The following PLXNA2 variants were observed in gnomAD, a reference collection of about 807,000 sequenced individuals.
The protein encoded by PLXNA2 is plexin-A2.
Under a neutral mutation model 193.5 loss-of-function variants are expected in PLXNA2, and 91 were observed. That is an observed-to-expected ratio of 0.47 (90% CI 0.40 to 0.56). PLXNA2 has a LOEUF of 0.56. PLXNA2 is among the 20% of genes least tolerant of loss of function. PLXNA2 has a pLI of 0.00. For missense variants in PLXNA2, 1,995 were observed against 2,503.2 expected (o/e 0.80, Z 4.33); for synonymous variants, 997 against 1,027.3 (o/e 0.97, Z 0.56).
At position 208,142,422 on chromosome 1, in the gene PLXNA2, C is replaced by A. The variant is rs764412969; in HGVS notation, c.1413G>T (p.Glu471Asp). Residue 471 changes from glutamate (E) to aspartate (D), a missense_variant, in exon 4 of 32, where the codon GAG becomes GAT. Around this residue, in one of 3 missense-constraint regions of PLXNA2, gnomAD observed 702 missense variants for 812.9 expected, o/e 0.86. Coordinates refer to ENST00000367033, the MANE Select transcript of PLXNA2 (RefSeq NM_025179.4). ...DGPPHGGVQY[E>D]MVSVLKDGSP... The stretch of plus-strand genomic sequence containing the variant: ...TTCCGTCCTTGAGCACAGAGACCAT[C>A]TCGTACTGGACCCCACCATGGGGGG... The A allele has an allele frequency of 1.9e-6, 3 of 1,613,640 alleles. No individual in the cohort carries two copies. The highest frequency in any genetic ancestry group is 2.5e-6 in the Non-Finnish European group (3 of 1,179,888).
At chr1:208,131,375 AC>A (rs1255069806) in intron 4 of PLXNA2, among the ~76,000 whole-genome samples, 1 of 152,188 alleles carries the variant, frequency 6.6e-6, no homozygotes, top group Non-Finnish European at 1.5e-5. Context: ...AAACAACAAA[AC>A]GAATCAGACT....
chr1:208,051,520 GC>G, intron 15 of PLXNA2, 97 bp from the exon 16 acceptor site: 2 of 900,594 alleles, frequency 2.2e-6, no homozygotes, highest in Non-Finnish European at 3.4e-6. Context: ...TGCGGGTAAG[GC>G]CACAGAAGTG....
At chr1:208,093,461 G>C (rs1238117747) in intron 8 of PLXNA2, among the ~76,000 whole-genome samples, 3 of 152,218 alleles carry the variant, frequency 2.0e-5, no homozygotes, top group African/African-American at 7.2e-5. Context: ...TCATCCGCCT[G>C]TAATAAAACA....
At chr1:208,032,077 A>T in intron 28 of PLXNA2, 1 of 985,304 alleles carries the variant, frequency 1.0e-6, no homozygotes, top group Non-Finnish European at 1.2e-6. Flanking sequence ...TGGGTGAATG[A>T]GGGGGCACAG....
At chr1:208,045,813 G>T in intron 18 of PLXNA2, 65 bp downstream of exon 18, 1 of 1,591,588 alleles carries the variant, frequency 6.3e-7, no homozygotes, top group Non-Finnish European at 8.6e-7. Flanking sequence ...AGTCAGGCCA[G>T]GAGCGAGGGG....
intron 4 of PLXNA2, among the ~76,000 whole-genome samples, chr1:208,120,608 A>G (rs549610847): frequency 1.3e-5 from 2 of 152,296 alleles, no homozygotes; most frequent in East Asian, 3.9e-4. Context: ...GGTAAGATGA[A>G]TGAGGACTTT....
Position 208,027,293 on chromosome 1 carries a change from G to GC in PLXNA2, c.5634dup (p.Leu1879AlafsTer4). The GC allele has an allele frequency of 6.2e-7, 1 of 1,613,588 alleles. No individual in the cohort carries two copies. Among genetic ancestry groups the GC allele is most frequent in the Non-Finnish European group, 8.5e-7 (1 of 1,179,996 alleles). On this transcript the variant is annotated frameshift_variant, in exon 32 of 32. Transcript: ENST00000367033. LOFTEE classifies it high-confidence loss of function. ...ATGAGCTGCTCCACCTTATAAGCCA[G>GC]CCGCTGCCGCCGTGCCTGCTCATCC... is the stretch of plus-strand genomic sequence containing the variant.
chr1:208,234,866 G>A (rs953403628), intron 1 of PLXNA2, among the ~76,000 whole-genome samples: 1 of 152,182 alleles, frequency 6.6e-6, no homozygotes, highest in Non-Finnish European at 1.5e-5. Context: ...TTGGAGGGCA[G>A]TGAATGGCAG....
intron 1 of PLXNA2, among the ~76,000 whole-genome samples, chr1:208,241,894 C>T (rs1010272192): frequency 7.0e-6 from 1 of 143,590 alleles, no homozygotes; most frequent in African/African-American, 2.6e-5. Flanking sequence ...AAAACAACCT[C>T]GCTATGACAG....
chr1:208,230,360 G>C (rs1671650783), intron 1 of PLXNA2: 1 of 152,252 alleles, frequency 6.6e-6, no homozygotes. Context: ...GTCTTGAGTT[G>C]TCATTCCCAC....
At chr1:208,208,133 C>T (rs993533438) in intron 3 of PLXNA2, among the ~76,000 whole-genome samples, 1 of 152,228 alleles carries the variant, frequency 6.6e-6, no homozygotes, top group African/African-American at 2.4e-5. Context: ...CTCAAGGTCC[C>T]TTTGTATCTG....
At chr1:208,118,740 T>A (rs77985206) in intron 4 of PLXNA2, among the ~76,000 whole-genome samples, 1 of 151,920 alleles carries the variant, frequency 6.6e-6, no homozygotes, top group East Asian at 1.9e-4. Context: ...GAGACAAAGA[T>A]ACATTTTTTT....
intron 4 of PLXNA2, among the ~76,000 whole-genome samples, chr1:208,124,745 A>C (rs1667920407): frequency 1.3e-5 from 2 of 151,212 alleles, no homozygotes; most frequent in Non-Finnish European, 3.0e-5. Flanking sequence ...CCAACTAAAG[A>C]GGGTTGAGAA....
Position 208,186,708 on chromosome 1 carries a change from A to ATTTTTTTT in PLXNA2, c.1371+23571_1371+23572insAAAAAAAA, listed in dbSNP as rs368056918. Among the ~76,000 whole-genome samples, 410 of 111,650 alleles carry ATTTTTTTT rather than the reference A, an allele frequency of 3.7e-3. 9 individuals carry two copies. Among genetic ancestry groups the ATTTTTTTT allele is most frequent in the African/African-American group, 0.011 (370 of 33,198 alleles). 73.2% of individuals were successfully genotyped at this position (111,650 alleles called of 152,430 possible). On this transcript the variant is annotated intron_variant, in intron 3 of 31. Transcript: ENST00000367033. Reference sequence around the variant, plus strand: ...GGGCTGTCCTGGGAATTGCAATGTTATTTTATTTTTTTTTTTTTTTTTGAG... The same window carrying ATTTTTTTT: ...GGGCTGTCCTGGGAATTGCAATGTTATTTTTTTTTTTTATTTTTTTTTTTTTTTTTGAG...
At position 208,092,850 on chromosome 1, in the gene PLXNA2, C is replaced by T; in HGVS notation, c.2033G>A (p.Arg678His). 1.2e-6 allele frequency: 2 copies of T among 1,613,854 alleles called. No individual in the cohort carries two copies. Among genetic ancestry groups the T allele is most frequent in the Non-Finnish European group, 1.7e-6 (2 of 1,179,856 alleles). ...GGTGGGGTCATGAGTGCAGAGGTTG[C>T]GGTACTTGCACCAATGGCAGCGGAA... ...SAFRCHWCKY[R>H]NLCTHDPTTC... The change falls in exon 9 of 32, where the codon CGC becomes CAC. Residue 678 changes from arginine to histidine, a missense_variant. Physicochemically the swap from Arg to His is conservative, Grantham distance 29. Transcript: ENST00000367033.
chr1:208,145,967 AC>A (rs767656157), intron 3 of PLXNA2, among the ~76,000 whole-genome samples: 1 of 151,636 alleles, frequency 6.6e-6, no homozygotes, highest in Non-Finnish European at 1.5e-5. Flanking sequence ...CCCCCCACTC[AC>A]CCCCGATCCA....
At chr1:208,100,123 C>T (rs1010234852) in intron 5 of PLXNA2, among the ~76,000 whole-genome samples, 1 of 151,942 alleles carries the variant, frequency 6.6e-6, no homozygotes, top group South Asian at 2.1e-4. Context: ...CCTGTAATCC[C>T]AGCACTTTGG....
chr1:208,033,901 G>A (rs917963283), intron 27 of PLXNA2, among the ~76,000 whole-genome samples: 2 of 152,196 alleles, frequency 1.3e-5, no homozygotes, highest in African/African-American at 4.8e-5. Flanking sequence ...GGAGTTAAGG[G>A]TCTCTTCTTG....
At chr1:208,152,668 T>TACACACACAC (rs10564360) in intron 3 of PLXNA2, among the ~76,000 whole-genome samples, 3 of 137,542 alleles carry the variant, frequency 2.2e-5, no homozygotes, top group Non-Finnish European at 3.1e-5. Context: ...TGCATACACA[T>TACACACACAC]ACACACACAC....
Sources: allele counts gnomAD v4.1 joint callset (sites outside exome capture counted in the v4.1 genomes callset), GRCh38; gene constraint gnomAD v4.1.1; regional missense constraint gnomAD v4.1.1; transcripts MANE v1.5; gene names NCBI Gene and HGNC (gene_info 2026-07-23, HGNC 2026-07-21).